KIAA2012: variants seen among roughly 807,000 people sequenced by gnomAD.
KIAA2012 encodes KIAA2012.
KIAA2012 carries 125 observed loss-of-function variants against 150.6 expected under a neutral mutation model. The observed-to-expected ratio is 0.83, with a 90% confidence interval of 0.72 to 0.96. The LOEUF is 0.96. Among genes scored for constraint, KIAA2012 ranks in the 40% least tolerant of loss-of-function variants. The probability of loss-of-function intolerance (pLI) is 0.00; values close to 1 mark genes in which losing one functional copy is unlikely to be tolerated. For synonymous variants in KIAA2012, 462 were observed against 504.7 expected, an observed-to-expected ratio of 0.92 and a Z score of 1.13; for missense variants, 1,219 against 1,354.9, an observed-to-expected ratio of 0.90 and a Z score of 1.57.
chr2:202,073,929 T>C (rs1214581075), intron 1 of KIAA2012, among the ~76,000 whole-genome samples: 1 of 151,738 alleles, frequency 6.6e-6, no homozygotes, highest in Admixed American at 6.6e-5. Context: ...TTTCCCCTTG[T>C]AGCTGTCTTT....
At chr2:202,105,130 G>C (rs1213170257) in intron 8 of KIAA2012, among the ~76,000 whole-genome samples, 1 of 151,390 alleles carries the variant, frequency 6.6e-6, no homozygotes, top group Non-Finnish European at 1.5e-5. Flanking sequence ...AAAGGAAAGG[G>C]GAAAAAGGAA....
intron 14 of KIAA2012, 123 bp downstream of exon 14, chr2:202,154,933 G>A: frequency 8.5e-7 from 1 of 1,178,100 alleles, no homozygotes; most frequent in Non-Finnish European, 1.2e-6. Flanking sequence ...ATTATCAGAA[G>A]GGACAGAAAA....
At chr2:202,075,738 C>A (rs890638782) in intron 2 of KIAA2012, among the ~76,000 whole-genome samples, 2 of 152,194 alleles carry the variant, frequency 1.3e-5, no homozygotes, top group Non-Finnish European at 2.9e-5. Context: ...CTGGCCCCTG[C>A]TTTATATAAT....
At chr2:202,203,248 T>C (rs556564235) in intron 23 of KIAA2012, among the ~76,000 whole-genome samples, 1 of 152,168 alleles carries the variant, frequency 6.6e-6, no homozygotes, top group Non-Finnish European at 1.5e-5. Flanking sequence ...TAAATGAAAA[T>C]TTTGTAATGC....
chr2:202,094,001 G>C (rs899704698), intron 4 of KIAA2012, among the ~76,000 whole-genome samples: 2 of 152,172 alleles, frequency 1.3e-5, no homozygotes, highest in Non-Finnish European at 2.9e-5. Flanking sequence ...TAAGATTTTT[G>C]GCCAGGCTCA....
chr2:202,170,096 A>C (rs1691854845), intron 15 of KIAA2012, among the ~76,000 whole-genome samples: 1 of 152,172 alleles, frequency 6.6e-6, no homozygotes, highest in Non-Finnish European at 1.5e-5. Context: ...TGTGTCCTAC[A>C]TAAATCTCTT....
At chr2:202,199,155 T>G (rs760811602) in intron 22 of KIAA2012, among the ~76,000 whole-genome samples, 10 of 152,152 alleles carry the variant, frequency 6.6e-5, no homozygotes, top group Non-Finnish European at 1.3e-4. Context: ...ACTAAAGGAA[T>G]GAGGGGAAGA....
intron 12 of KIAA2012, among the ~76,000 whole-genome samples, chr2:202,132,728 A>ATATAT (rs1187071863): frequency 2.5e-4 from 15 of 60,542 alleles, no homozygotes; most frequent in Non-Finnish European, 3.9e-4. Context: ...ATATATATAT[A>ATATAT]GTATATATGT....
At chr2:202,129,962 G>A (rs193149648) in intron 12 of KIAA2012, among the ~76,000 whole-genome samples, 48 of 152,254 alleles carry the variant, frequency 3.2e-4, no homozygotes, top group African/African-American at 9.2e-4. Flanking sequence ...GCACTCACAC[G>A]TCTCATATTG....
At chr2:202,100,559 G>C in intron 7 of KIAA2012, 110 bp downstream of exon 7, 1 of 1,264,318 alleles carries the variant, frequency 7.9e-7, no homozygotes, top group Non-Finnish European at 1.1e-6. Flanking sequence ...TCTCAAAAGA[G>C]AACTGGCCTC....
intron 16 of KIAA2012, among the ~76,000 whole-genome samples, chr2:202,186,369 G>A (rs771590150): frequency 1.1e-4 from 17 of 152,002 alleles, no homozygotes; most frequent in Admixed American, 2.6e-4. Flanking sequence ...AAAATTAGCC[G>A]GACGTGGTGG....
intron 2 of KIAA2012, among the ~76,000 whole-genome samples, chr2:202,084,707 G>A (rs1478812055): frequency 6.6e-6 from 1 of 152,156 alleles, no homozygotes; most frequent in African/African-American, 2.4e-5. Flanking sequence ...GTTAGGTCTA[G>A]GATAACTTTA....
intron 9 of KIAA2012, among the ~76,000 whole-genome samples, chr2:202,107,185 C>T (rs1249722053): frequency 1.3e-5 from 2 of 152,030 alleles, no homozygotes; most frequent in African/African-American, 4.8e-5. Flanking sequence ...CATTAGACTA[C>T]ATTCCCTTTC....
intron 12 of KIAA2012, among the ~76,000 whole-genome samples, chr2:202,126,149 T>C (rs1399204530): frequency 6.6e-6 from 1 of 151,812 alleles, no homozygotes; most frequent in Non-Finnish European, 1.5e-5. Context: ...GAGACGGGGC[T>C]TCACCATATT....
At chr2:202,105,059 A>G (rs1163617558) in intron 8 of KIAA2012, among the ~76,000 whole-genome samples, 2 of 152,190 alleles carry the variant, frequency 1.3e-5, no homozygotes, top group African/African-American at 4.8e-5. Context: ...TACATGTCAT[A>G]AGGACCCTCC....
chr2:202,199,662 C>CA (rs1692475329), intron 22 of KIAA2012, among the ~76,000 whole-genome samples: 1 of 151,934 alleles, frequency 6.6e-6, no homozygotes, highest in South Asian at 2.1e-4. Flanking sequence ...TTTCAGAAAA[C>CA]AAAAATCAAA....
rs575156647 is a variant in KIAA2012, at chr2:202,073,883, T to TC, written c.84+174dup. On this transcript the variant is annotated intron_variant, in intron 1 of 23. Transcript: ENST00000498697. Reference sequence around the variant, plus strand: ...GAAACTCAAGAAAATAACATCATTTTCCTGACACACCGAGATTGCCCCTGA... The same window carrying TC: ...GAAACTCAAGAAAATAACATCATTTTCCCTGACACACCGAGATTGCCCCTGA... Among the ~76,000 whole-genome samples the TC allele has an allele frequency of 1.2e-4, 18 of 151,844 alleles. No individual in the cohort carries two copies. The East Asian group carries it at 3.5e-3, about 30-fold the overall frequency.
intron 12 of KIAA2012, among the ~76,000 whole-genome samples, 171 bp downstream of exon 12, chr2:202,125,453 G>A (rs1395173120): frequency 6.6e-6 from 1 of 152,212 alleles, no homozygotes; most frequent in Non-Finnish European, 1.5e-5. Flanking sequence ...GTTCTGTTGA[G>A]TTACTCATGG....
intron 11 of KIAA2012, chr2:202,116,215 T>A (rs6435128): frequency 6.6e-6 from 1 of 152,096 alleles, no homozygotes; most frequent in Admixed American, 6.5e-5. Context: ...TCAAGTCCCA[T>A]GTAAATTTAA....
Sources: allele counts gnomAD v4.1 joint callset (sites outside exome capture counted in the v4.1 genomes callset), GRCh38; gene constraint gnomAD v4.1.1; transcripts MANE v1.5; gene names NCBI Gene and HGNC (gene_info 2026-07-23, HGNC 2026-07-21).